Variants in PITPNM2 observed in about 807,000 individuals in gnomAD.
PITPNM2 encodes the protein phosphatidylinositol transfer protein membrane associated 2.
Under a neutral mutation model 132.2 loss-of-function variants are expected in PITPNM2, and 35 were observed. The observed-to-expected ratio is 0.26, with a 90% CI of 0.20 to 0.35. The LOEUF is 0.35. Ranked by LOEUF, PITPNM2 falls within the 10% of genes least tolerant of loss-of-function variation. The pLI, the probability that PITPNM2 is intolerant of heterozygous loss-of-function variation, is 1.00. For missense variants in PITPNM2, 1,332 were observed against 1,912.0 expected (o/e 0.70, Z 5.66); for synonymous variants, 738 against 799.2 (o/e 0.92, Z 1.29).
chr12:122,987,507 A>G lies in PITPNM2; in HGVS notation c.3263+4T>C. The G allele has an allele frequency of 6.2e-7, 1 of 1,612,704 alleles. No individual in the cohort carries two copies. Among genetic ancestry groups the G allele is most frequent in the African/African-American group, 1.3e-5 (1 of 75,026 alleles). Reference sequence around the variant, plus strand: ...TATCCCGCCCTCCCAGTGCAGGCATATACCTGACCACCATCTTGATAGGGT... The same window carrying G: ...TATCCCGCCCTCCCAGTGCAGGCATGTACCTGACCACCATCTTGATAGGGT... On this transcript the variant is annotated splice_donor_region_variant and intron_variant, in intron 22 of 25. Transcript: ENST00000320201.
At chr12:123,131,173 A>G (rs746303989) in intron 1 of PITPNM2, among the ~76,000 whole-genome samples, 19 of 152,190 alleles carry the variant, frequency 1.2e-4, no homozygotes, top group Non-Finnish European at 2.4e-4. Context: ...AAATAGGGTC[A>G]CTGCAGATGT....
chr12:123,003,355 C>A (rs1277807622), intron 8 of PITPNM2, among the ~76,000 whole-genome samples: 1 of 152,138 alleles, frequency 6.6e-6, no homozygotes, highest in Non-Finnish European at 1.5e-5. Flanking sequence ...GCTTTGCTGT[C>A]TTTTTTACAG....
rs571454859 is a variant in PITPNM2 at position 123,022,029 on chromosome 12, A to C, written c.79-7987T>G. Among the ~76,000 whole-genome samples the C allele has an allele frequency of 1.2e-4, 19 of 152,302 alleles. No homozygotes were observed. In the South Asian group the frequency reaches 3.9e-3, roughly 32 times the overall value. ...CAAGGAGAGTGGCAGGGGAATCGCCATGGCTCCAAAGCCAGATGTCTCCAT... is the reference window on the plus strand; with the variant it reads ...CAAGGAGAGTGGCAGGGGAATCGCCCTGGCTCCAAAGCCAGATGTCTCCAT... On this transcript the variant is annotated intron_variant, in intron 3 of 25. Coordinates refer to ENST00000320201, the MANE Select transcript of PITPNM2 (RefSeq NM_020845.3). This position sits in a 1 kb window ranked among gnomAD's most constrained non-coding sequence, Gnocchi z 4.9.
chr12:123,151,709 G>A (rs1275010825), upstream of PITPNM2, among the ~76,000 whole-genome samples: 2 of 152,162 alleles, frequency 1.3e-5, no homozygotes, highest in Non-Finnish European at 2.9e-5. Context: ...GCTCTCCAAT[G>A]GGAAGAGCCC....
At chr12:123,057,660 C>T (rs1251008277) in intron 2 of PITPNM2, among the ~76,000 whole-genome samples, 1 of 152,186 alleles carries the variant, frequency 6.6e-6, no homozygotes, top group Admixed American at 6.5e-5. Flanking sequence ...GAACCTGAAG[C>T]CCCAGGGCAC....
At chr12:123,006,719 G>GTAATAA (rs10612599) in intron 6 of PITPNM2, among the ~76,000 whole-genome samples, 173 of 140,110 alleles carry the variant, frequency 1.2e-3, no homozygotes, top group African/African-American at 3.6e-3. Flanking sequence ...TCTCAAAATA[G>GTAATAA]TAATAATAAT....
In PITPNM2 at chr12:123,058,762, C is replaced by A. The variant is rs972103125; in HGVS notation, c.-95-24077G>T. On this transcript the variant is annotated intron_variant, in intron 2 of 25. Transcript: ENST00000320201. This position sits in a 1 kb window ranked among gnomAD's most constrained non-coding sequence, Gnocchi z 4.0. ...CTGAGGCATTTGCTCAAGTGCTCAACCCCTGCTGGTTCTTTTGTGGAAAAA... is the reference window on the plus strand; with the variant it reads ...CTGAGGCATTTGCTCAAGTGCTCAAACCCTGCTGGTTCTTTTGTGGAAAAA... Among the ~76,000 whole-genome samples the A allele has an allele frequency of 6.6e-6, 1 of 152,214 alleles. No homozygotes were observed. Among genetic ancestry groups the A allele is most frequent in the Non-Finnish European group, 1.5e-5 (1 of 68,044 alleles).
intron 21 of PITPNM2, 24 bp downstream of exon 21, chr12:122,987,761 T>C (rs751910721): frequency 9.9e-6 from 16 of 1,613,508 alleles, no homozygotes; most frequent in Non-Finnish European, 1.4e-5. Context: ...CCCTCCATGT[T>C]ACCCCTACCC....
chr12:123,005,495 C>T lies in PITPNM2; in HGVS notation c.697G>A (p.Glu233Lys), dbSNP rs367756313. 2.5e-6 allele frequency: 4 copies of T among 1,613,752 alleles called. No individual in the cohort carries two copies. Among genetic ancestry groups the T allele is most frequent in the Non-Finnish European group, 3.4e-6 (4 of 1,180,022 alleles). ...TTCTCCATGCTCAGCCCATACCACT[C>T]GTCCTGCCAGCACCAGGCCTGCCGG... The part of the protein sequence containing the change: ...AHRQAWCWQD[E>K]WYGLSMENIR... Residue 233 changes from glutamate to lysine, a missense_variant, in exon 7 of 26, where the codon GAG becomes AAG. By Grantham distance (56) the Glu-to-Lys change is moderately conservative. This residue lies in a region of PITPNM2 where 122 missense variants were observed against 209.6 expected (regional missense o/e 0.58). Coordinates refer to ENST00000320201, the MANE Select transcript of PITPNM2 (RefSeq NM_020845.3). The surrounding 1 kb of genome is among the most constrained non-coding windows in gnomAD (Gnocchi z 6.2).
chr12:123,053,968 A>G (rs1051071535), intron 2 of PITPNM2, among the ~76,000 whole-genome samples: 1 of 152,184 alleles, frequency 6.6e-6, no homozygotes, highest in African/African-American at 2.4e-5. Context: ...GTGTGCATGT[A>G]TTAAGTTCCA....
intron 16 of PITPNM2, chr12:122,991,940 C>A (rs2038207013): frequency 1.5e-6 from 2 of 1,302,716 alleles, no homozygotes; most frequent in Non-Finnish European, 2.0e-6. Context: ...AGAACAGACA[C>A]TTGCATGGGC....
At chr12:123,090,130 G>A (rs1227610745) in intron 2 of PITPNM2, 1 of 152,224 alleles carries the variant, frequency 6.6e-6, no homozygotes, top group Non-Finnish European at 1.5e-5. Context: ...CTTCCATGGG[G>A]TCACAGTCAA....
intron 2 of PITPNM2, among the ~76,000 whole-genome samples, chr12:123,035,312 A>C (rs562270699): frequency 6.1e-4 from 93 of 152,276 alleles, no homozygotes; most frequent in African/African-American, 2.0e-3. Context: ...GCTCATAGCC[A>C]CCTCTATTTA....
Position 123,004,535 on chromosome 12 carries a change from C to T in PITPNM2, c.953-46G>A, listed in dbSNP as rs1566241589. 6.3e-7 allele frequency: 1 copy of T among 1,595,570 alleles called. No homozygotes were observed. Among genetic ancestry groups the T allele is most frequent in the East Asian group, 2.2e-5 (1 of 44,780 alleles). ...TTGACCGCCAACTGGAGAGGAAGGG[C>T]CCAGAGGCTGCCCTGAGCCGGCAGG... On this transcript the variant is annotated intron_variant, in intron 7 of 25. Coordinates refer to ENST00000320201, the MANE Select transcript of PITPNM2 (RefSeq NM_020845.3). This position sits in a 1 kb window ranked among gnomAD's most constrained non-coding sequence, Gnocchi z 4.9.
At chr12:123,014,404 A>G (rs1045431090) in intron 3 of PITPNM2, among the ~76,000 whole-genome samples, 2 of 152,232 alleles carry the variant, frequency 1.3e-5, no homozygotes, top group African/African-American at 4.8e-5. Context: ...TAGACAAGAA[A>G]AGGAAATAAT....
chr12:122,994,516 G>A lies in PITPNM2; in HGVS notation c.2233+285C>T, dbSNP rs1358319495. 6.6e-6 allele frequency among the ~76,000 whole-genome samples: 1 copy of A among 152,196 alleles called. No homozygotes were observed. Among genetic ancestry groups the A allele is most frequent in the Non-Finnish European group, 1.5e-5 (1 of 68,012 alleles). On this transcript the variant is annotated intron_variant, in intron 15 of 25. Transcript: ENST00000320201. The surrounding 1 kb of genome is among the most constrained non-coding windows in gnomAD (Gnocchi z 5.4). ...GGGTCTGTCTCCATCTGACTCTGGG[G>A]TGGTGCCTTCTCTCCCTGGACCTCA...
rs530444647 is a variant in PITPNM2, at chr12:122,989,467, C to A, written c.2731+320G>T. Among the ~76,000 whole-genome samples the A allele has an allele frequency of 2.6e-5, 4 of 152,252 alleles. No homozygotes were observed. In the East Asian group the frequency reaches 7.7e-4, roughly 29 times the overall value. ...TGAACAAGACAAGCTTGTAAAGTGC[C>A]CCCTGGGCTGTCCGCAGGAGAGGCC... On this transcript the variant is annotated intron_variant, in intron 18 of 25. Coordinates refer to ENST00000320201, the MANE Select transcript of PITPNM2 (RefSeq NM_020845.3).
intron 1 of PITPNM2, among the ~76,000 whole-genome samples, chr12:123,138,186 C>G (rs2043424180): frequency 1.3e-5 from 2 of 152,136 alleles, no homozygotes; most frequent in South Asian, 2.1e-4. Flanking sequence ...ATGGTTCACG[C>G]CTGTAATCCC....
intron 2 of PITPNM2, among the ~76,000 whole-genome samples, chr12:123,087,021 G>C (rs2042130018): frequency 6.6e-6 from 1 of 152,194 alleles, no homozygotes; most frequent in Non-Finnish European, 1.5e-5. Context: ...TCAGAACCAA[G>C]GCTAGGGCAC....
Sources: gnomAD v4.1 joint callset for allele counts (sites outside exome capture counted in the v4.1 genomes callset) on GRCh38, gnomAD v4.1.1 for gene constraint, gnomAD v4.1.1 regional missense constraint, Gnocchi (gnomAD v3.1) non-coding constraint, MANE v1.5 for transcripts, NCBI Gene and HGNC (gene_info 2026-07-23, HGNC 2026-07-21) for gene names.